Variants in GLIS3 observed in about 807,000 individuals in gnomAD.
The protein encoded by GLIS3 is GLIS family zinc finger 3, also known as zinc finger protein GLIS3.
A neutral mutation model predicts 78.6 loss-of-function variants in GLIS3; 53 were observed. That is an observed-to-expected ratio of 0.67 (90% CI 0.54 to 0.85). GLIS3 has a LOEUF of 0.85. Ranked by LOEUF, GLIS3 falls within the 40% of genes least tolerant of loss-of-function variation. The probability of loss-of-function intolerance (pLI) is 0.00; values close to 1 mark genes in which losing one functional copy is unlikely to be tolerated. For missense variants in GLIS3, 1,703 were observed against 1,231.1 expected (o/e 1.38, Z -5.74); for synonymous variants, 684 against 509.9 (o/e 1.34, Z -4.60).
At chr9:4,137,836 C>T (rs58257078) in intron 2 of GLIS3, among the ~76,000 whole-genome samples, 2,386 of 152,200 alleles carry the variant, frequency 0.016, 76 homozygotes, top group African/African-American at 0.055. Context: ...TAAAGTTCAC[C>T]AACAATTAGC....
the GLIS3 span, among the ~76,000 whole-genome samples, chr9:4,402,177 C>T: frequency 5.3e-5 from 8 of 152,264 alleles, no homozygotes; most frequent in Non-Finnish European, 8.8e-5. Context: ...CACCACACTC[C>T]CAATTCCAGA....
chr9:3,874,236 T>C (rs750576247), intron 8 of GLIS3, among the ~76,000 whole-genome samples: 2 of 152,196 alleles, frequency 1.3e-5, no homozygotes, highest in Non-Finnish European at 2.9e-5. Flanking sequence ...CGATGGCCAA[T>C]GATGTAATCA....
chr9:4,087,861 C>G (rs1564028867), intron 4 of GLIS3, among the ~76,000 whole-genome samples: 1 of 152,196 alleles, frequency 6.6e-6, no homozygotes, highest in Non-Finnish European at 1.5e-5. Flanking sequence ...GAATTATTCT[C>G]TTTGGCCCCT....
chr9:4,223,960 C>T (rs1233271165), intron 2 of GLIS3, among the ~76,000 whole-genome samples: 1 of 151,312 alleles, frequency 6.6e-6, no homozygotes, highest in African/African-American at 2.4e-5. Context: ...GGGAAAATGC[C>T]ATCAAATTCA....
At chr9:4,415,978 C>G in the GLIS3 span, among the ~76,000 whole-genome samples, 1 of 150,826 alleles carries the variant, frequency 6.6e-6, no homozygotes, top group Non-Finnish European at 1.5e-5. Context: ...TTAAAAAATA[C>G]AAATATATTA....
the GLIS3 span, among the ~76,000 whole-genome samples, chr9:4,358,338 A>C: frequency 6.7e-6 from 1 of 149,230 alleles, no homozygotes; most frequent in Non-Finnish European, 1.5e-5. Flanking sequence ...AAAAAAAGAG[A>C]CTAATACAAA....
chr9:4,040,814 T>G (rs1351593651), intron 4 of GLIS3, among the ~76,000 whole-genome samples: 2 of 152,224 alleles, frequency 1.3e-5, no homozygotes, highest in African/African-American at 4.8e-5. Context: ...CTGGGTCAAC[T>G]GGGTCATTGT....
At chr9:4,267,299 G>A (rs1246928435) in intron 2 of GLIS3, among the ~76,000 whole-genome samples, 1 of 152,150 alleles carries the variant, frequency 6.6e-6, no homozygotes, top group Non-Finnish European at 1.5e-5. Flanking sequence ...TGAGTTTATA[G>A]ATAGATTATG....
intron 2 of GLIS3, among the ~76,000 whole-genome samples, chr9:4,315,880 G>A (rs899413384): frequency 2.6e-5 from 4 of 152,102 alleles, no homozygotes; most frequent in African/African-American, 7.2e-5. Flanking sequence ...CTAGAATGCA[G>A]GCCTCTTAGA....
chr9:4,414,985 C>T, the GLIS3 span, among the ~76,000 whole-genome samples: 1 of 152,176 alleles, frequency 6.6e-6, no homozygotes, highest in Non-Finnish European at 1.5e-5. Flanking sequence ...TGGAATTGAG[C>T]CTAGTTCTAT....
intron 7 of GLIS3, chr9:3,898,306 T>TAAAACATA (rs1268431104): frequency 1.0e-5 from 3 of 296,828 alleles, no homozygotes; most frequent in Admixed American, 4.5e-5. Flanking sequence ...GGCTTCCTTT[T>TAAAACATA]AAAACATAAA....
At chr9:3,995,173 T>C (rs1796642105) in intron 4 of GLIS3, among the ~76,000 whole-genome samples, 1 of 151,992 alleles carries the variant, frequency 6.6e-6, no homozygotes, top group Non-Finnish European at 1.5e-5. Flanking sequence ...ACGTCTTGGC[T>C]CTTGGTGGGG....
At chr9:3,883,033 A>G (rs1445669094) in intron 7 of GLIS3, among the ~76,000 whole-genome samples, 1 of 152,150 alleles carries the variant, frequency 6.6e-6, no homozygotes, top group Non-Finnish European at 1.5e-5. Context: ...GGAGGAAGTA[A>G]CAACAGACAC....
At chr9:4,418,830 A>G in the GLIS3 span, among the ~76,000 whole-genome samples, 2 of 152,216 alleles carry the variant, frequency 1.3e-5, no homozygotes, top group African/African-American at 2.4e-5. Flanking sequence ...AGTGGTACAG[A>G]TGAAGAGAAA....
At chr9:3,893,274 C>T (rs546740271) in intron 7 of GLIS3, among the ~76,000 whole-genome samples, 21 of 152,262 alleles carry the variant, frequency 1.4e-4, no homozygotes, top group African/African-American at 4.6e-4. Context: ...TATTGTAAAA[C>T]TGGGTAATTC....
intron 2 of GLIS3, among the ~76,000 whole-genome samples, chr9:4,165,480 T>TG (rs943544328): frequency 1.3e-5 from 2 of 152,094 alleles, no homozygotes; most frequent in Admixed American, 6.5e-5. Flanking sequence ...TTCTTTTCCA[T>TG]GGGGGGAAAA....
chr9:4,105,160 A>C (rs1481566043), intron 4 of GLIS3, among the ~76,000 whole-genome samples: 1 of 152,208 alleles, frequency 6.6e-6, no homozygotes, highest in Non-Finnish European at 1.5e-5. Context: ...TATCATACCT[A>C]TCTGAGTGAA....
chr9:4,297,945 G>A (rs1816709218), intron 1 of GLIS3, among the ~76,000 whole-genome samples: 1 of 141,032 alleles, frequency 7.1e-6, no homozygotes, highest in Admixed American at 7.8e-5. Context: ...AGCTAGGGGC[G>A]GGTCCGGAGG....
At chr9:4,325,832 A>C (rs865922531) in intron 2 of GLIS3, among the ~76,000 whole-genome samples, 1 of 152,256 alleles carries the variant, frequency 6.6e-6, no homozygotes, top group Non-Finnish European at 1.5e-5. Flanking sequence ...CTGGATAAAG[A>C]AAATGTGGTA....
Sources: gnomAD v4.1 joint callset for allele counts (sites outside exome capture counted in the v4.1 genomes callset) on GRCh38, gnomAD v4.1.1 for gene constraint, MANE v1.5 for transcripts, NCBI Gene and HGNC (gene_info 2026-07-23, HGNC 2026-07-21) for gene names.